VEZT: variants seen among roughly 807,000 people sequenced by gnomAD.
VEZT encodes the protein vezatin, adherens junctions transmembrane protein.
Under a neutral mutation model 79.9 loss-of-function variants are expected in VEZT, and 39 were observed. The observed-to-expected ratio is 0.49, with a 90% confidence interval of 0.38 to 0.64. The LOEUF (loss-of-function observed/expected upper bound fraction) is 0.64. VEZT is among the 30% of genes least tolerant of loss of function. The probability of loss-of-function intolerance (pLI) is 0.00; values close to 1 mark genes in which losing one functional copy is unlikely to be tolerated. For synonymous variants in VEZT, 325 were observed against 327.6 expected, an observed-to-expected ratio of 0.99 and a Z score of 0.09; for missense variants, 837 against 893.1, an observed-to-expected ratio of 0.94 and a Z score of 0.80.
intron 11 of VEZT, 106 bp from the exon 12 acceptor site, chr12:95,300,059 A>T (rs2074989143): frequency 3.3e-6 from 2 of 610,318 alleles, no homozygotes; most frequent in Non-Finnish European, 5.0e-6. Context: ...GCTTTTATTT[A>T]TTTATTGTTC....
At chr12:95,239,154 A>G (rs1189679757) in intron 1 of VEZT, among the ~76,000 whole-genome samples, 1 of 152,194 alleles carries the variant, frequency 6.6e-6, no homozygotes, top group East Asian at 1.9e-4. Flanking sequence ...AGGAAAAACA[A>G]AGTTATTTCT....
chr12:95,223,200 G>C (rs867845958), intron 1 of VEZT, among the ~76,000 whole-genome samples: 5 of 152,214 alleles, frequency 3.3e-5, no homozygotes, highest in South Asian at 2.1e-4. Context: ...AGGTAGTTAT[G>C]AGTACTAAAT....
intron 1 of VEZT, among the ~76,000 whole-genome samples, chr12:95,232,537 A>G (rs546128690): frequency 6.6e-6 from 1 of 152,258 alleles, no homozygotes; most frequent in Non-Finnish European, 1.5e-5. Context: ...AACATTACAC[A>G]GTTTCGGGCT....
intron 5 of VEZT, among the ~76,000 whole-genome samples, chr12:95,268,671 G>C (rs1233404682): frequency 6.6e-6 from 1 of 152,158 alleles, no homozygotes; most frequent in East Asian, 1.9e-4. Context: ...AAGTGGGCCA[G>C]TTAGACATGA....
chr12:95,276,051 G>A (rs1457880556), intron 7 of VEZT, among the ~76,000 whole-genome samples: 2 of 151,954 alleles, frequency 1.3e-5, no homozygotes, highest in Admixed American at 1.3e-4. Flanking sequence ...AATGGTGAAA[G>A]TATAAACTGG....
intron 8 of VEZT, among the ~76,000 whole-genome samples, chr12:95,283,040 T>TTA (rs1027599010): frequency 1.3e-5 from 2 of 152,190 alleles, no homozygotes; most frequent in Non-Finnish European, 2.9e-5. Context: ...AGTATATATG[T>TTA]TATATATAGT....
intron 1 of VEZT, 72 bp downstream of exon 1, chr12:95,217,958 G>A (rs1045696662): frequency 7.1e-7 from 1 of 1,412,938 alleles, no homozygotes; most frequent in Admixed American, 3.0e-5. Flanking sequence ...GAGGAAGCAA[G>A]GCGTTCCCGG....
At chr12:95,232,039 A>G (rs1229554102) in intron 1 of VEZT, among the ~76,000 whole-genome samples, 1 of 152,222 alleles carries the variant, frequency 6.6e-6, no homozygotes, top group African/African-American at 2.4e-5. Context: ...TAGCCTGGAA[A>G]AACATGGAAA....
At chr12:95,217,970 G>T in intron 1 of VEZT, 84 bp downstream of exon 1, 1 of 1,376,434 alleles carries the variant, frequency 7.3e-7, no homozygotes, top group Non-Finnish European at 9.6e-7. Flanking sequence ...CGTTCCCGGG[G>T]CGAGGGATCG....
intron 7 of VEZT, among the ~76,000 whole-genome samples, 192 bp downstream of exon 7, chr12:95,275,081 C>T (rs997766689): frequency 1.3e-5 from 2 of 152,102 alleles, no homozygotes; most frequent in African/African-American, 4.8e-5. Flanking sequence ...AAGAGGAGAT[C>T]CTTAGATTTT....
chr12:95,279,484 A>G (rs1405012832), intron 7 of VEZT, among the ~76,000 whole-genome samples: 2 of 152,240 alleles, frequency 1.3e-5, no homozygotes, highest in Non-Finnish European at 1.5e-5. Flanking sequence ...CCTATCAGCT[A>G]TGGTTATCTC....
chr12:95,294,137 T>C, intron 9 of VEZT, 135 bp from the exon 10 acceptor site: 2 of 620,576 alleles, frequency 3.2e-6, no homozygotes, highest in East Asian at 3.1e-5. Context: ...TCCTCCTGCC[T>C]CAGCCTCCCG....
chr12:95,287,979 C>A, intron 9 of VEZT, 122 bp downstream of exon 9: 1 of 823,672 alleles, frequency 1.2e-6, no homozygotes, highest in Non-Finnish European at 1.8e-6. Context: ...TCTTAGTTTA[C>A]TTTTTTTTAA....
intron 1 of VEZT, among the ~76,000 whole-genome samples, chr12:95,238,440 A>G (rs1041157494): frequency 2.0e-5 from 3 of 152,192 alleles, no homozygotes; most frequent in Non-Finnish European, 4.4e-5. Flanking sequence ...TAAAATATAT[A>G]TAGTAACTCT....
At chr12:95,240,421 A>G (rs958515178) in intron 1 of VEZT, among the ~76,000 whole-genome samples, 1 of 152,168 alleles carries the variant, frequency 6.6e-6, no homozygotes, top group African/African-American at 2.4e-5. Context: ...TGTAGAAATA[A>G]TCTCCCAACA....
At chr12:95,233,186 TTTTC>T (rs2059512169) in intron 1 of VEZT, among the ~76,000 whole-genome samples, 1 of 152,004 alleles carries the variant, frequency 6.6e-6, no homozygotes, top group South Asian at 2.1e-4. Context: ...GTACCTTCTT[TTTTC>T]TTTTTCTTTT....
intron 7 of VEZT, among the ~76,000 whole-genome samples, chr12:95,276,518 C>T (rs1239074759): frequency 6.6e-6 from 1 of 152,080 alleles, no homozygotes; most frequent in Non-Finnish European, 1.5e-5. Context: ...TATTTGCCCA[C>T]ATCAGCCTCC....
intron 10 of VEZT, 123 bp from the exon 11 acceptor site, chr12:95,295,928 T>A (rs1000911125): frequency 2.8e-6 from 2 of 708,332 alleles, no homozygotes; most frequent in Admixed American, 3.3e-5. Context: ...TCTGCTTTAA[T>A]GACCTGTGCC....
At chr12:95,261,397 G>C (rs531792423) in intron 3 of VEZT, among the ~76,000 whole-genome samples, 4 of 152,030 alleles carry the variant, frequency 2.6e-5, no homozygotes, top group Non-Finnish European at 5.9e-5. Flanking sequence ...TTGTTTGTTT[G>C]GTTTTGGTTT....
Sources: gnomAD v4.1 joint callset for allele counts (sites outside exome capture counted in the v4.1 genomes callset) on GRCh38, gnomAD v4.1.1 for gene constraint, MANE v1.5 for transcripts, NCBI Gene and HGNC (gene_info 2026-07-23, HGNC 2026-07-21) for gene names.